Variants in TMEM38B observed in about 807,000 individuals in gnomAD.
The protein encoded by TMEM38B is trimeric intracellular cation channel type B.
In TMEM38B, 24 loss-of-function variants were observed where a neutral mutation model predicts 28.7. That is an observed-to-expected ratio of 0.84 (90% CI 0.61 to 1.18). The LOEUF (loss-of-function observed/expected upper bound fraction) is 1.18, where lower values mean the gene tolerates loss of function less well. TMEM38B is among the 50% of genes most tolerant of loss of function. The probability of loss-of-function intolerance (pLI) is 0.00; values close to 1 mark genes in which losing one functional copy is unlikely to be tolerated. For missense variants in TMEM38B, 380 were observed against 350.9 expected, an observed-to-expected ratio of 1.08 and a Z score of -0.66; for synonymous variants, 131 against 127.7, an observed-to-expected ratio of 1.03 and a Z score of -0.17.
At position 105,705,647 on chromosome 9, in the gene TMEM38B, A is replaced by G. The variant is rs140337245; in HGVS notation, c.163A>G (p.Met55Val). Residue 55 changes from methionine (M) to valine (V), a missense_variant, in exon 2 of 6, where the codon ATG (methionine) becomes GTG (valine). By Grantham distance (21) the Met-to-Val change is conservative. Coordinates refer to ENST00000374692, the MANE Select transcript of TMEM38B (RefSeq NM_018112.3). ...KNPISSWFTA[M>V]LHCFGGGILS... Reference sequence around the variant, plus strand: ...TCCTATTTCAAGCTGGTTTACTGCTATGCTCCACTGTTTTGGTGGAGGAAT... The same window carrying G: ...TCCTATTTCAAGCTGGTTTACTGCTGTGCTCCACTGTTTTGGTGGAGGAAT... 1.1e-4 allele frequency: 172 copies of G among 1,614,108 alleles called. No homozygotes were observed. Among genetic ancestry groups the G allele is most frequent in the Admixed American group, 1.5e-4 (9 of 60,018 alleles).
intron 2 of TMEM38B, among the ~76,000 whole-genome samples, chr9:105,707,167 C>G (rs1038054095): frequency 6.6e-6 from 1 of 152,178 alleles, no homozygotes; most frequent in Non-Finnish European, 1.5e-5. Flanking sequence ...CTAACTGATA[C>G]ACGCAGATAT....
In TMEM38B at chr9:105,697,906, G is replaced by A. The variant is rs183287881; in HGVS notation, c.112+3134G>A. On this transcript the variant is annotated intron_variant, in intron 1 of 5. Transcript: ENST00000374692. ...ATTCTATAGTTCTATAAAAGTATAG[G>A]TTCGTAATCTATCTGCAGTATTTTT... 1.2e-3 allele frequency among the ~76,000 whole-genome samples: 185 copies of A among 152,084 alleles called. 1 individual carries two copies. Among genetic ancestry groups the A allele is most frequent in the African/African-American group, 4.2e-3 (173 of 41,490 alleles).
Position 105,773,862 on chromosome 9 carries a change from C to T in TMEM38B, c.661-3C>T, listed in dbSNP as rs770322217. The T allele has an allele frequency of 1.9e-6, 3 of 1,595,876 alleles. No individual in the cohort carries two copies. Among genetic ancestry groups the T allele is most frequent in the African/African-American group, 2.7e-5 (2 of 74,326 alleles). On this transcript the variant is annotated splice_polypyrimidine_tract_variant and splice_region_variant and intron_variant, in intron 5 of 5. Transcript: ENST00000374692. ...AATTCAAAATTAAACTTTTTTCCCC[C>T]AGATAACCATGATGACTACACAGAC...
chr9:105,731,160 G>T (rs1038988273), intron 4 of TMEM38B, among the ~76,000 whole-genome samples: 33 of 151,864 alleles, frequency 2.2e-4, no homozygotes, highest in Non-Finnish European at 4.3e-4. Context: ...TGATCTTAGG[G>T]TGTTGATTTT....
At chr9:105,771,946 A>G (rs1205175727) in intron 5 of TMEM38B, among the ~76,000 whole-genome samples, 1 of 152,242 alleles carries the variant, frequency 6.6e-6, no homozygotes, top group Non-Finnish European at 1.5e-5. Flanking sequence ...CAGGGATTAC[A>G]TTCAACATCT....
intron 4 of TMEM38B, among the ~76,000 whole-genome samples, chr9:105,724,662 GT>G (rs1488725387): frequency 1.3e-5 from 2 of 151,722 alleles, no homozygotes; most frequent in African/African-American, 4.8e-5. Flanking sequence ...GGCAGTACAA[GT>G]GATGAAGTAC....
intron 4 of TMEM38B, among the ~76,000 whole-genome samples, chr9:105,726,280 T>C (rs886545094): frequency 2.0e-5 from 3 of 152,170 alleles, no homozygotes; most frequent in African/African-American, 7.2e-5. Flanking sequence ...TTTTAAAAAC[T>C]TTTTGAAGCT....
intron 1 of TMEM38B, among the ~76,000 whole-genome samples, chr9:105,697,862 C>A (rs1202533707): frequency 6.6e-6 from 1 of 151,932 alleles, no homozygotes; most frequent in African/African-American, 2.4e-5. Flanking sequence ...AATACTCGTC[C>A]TTGATCTTTT....
chr9:105,704,289 T>A (rs181363687), intron 1 of TMEM38B, among the ~76,000 whole-genome samples: 2 of 151,998 alleles, frequency 1.3e-5, no homozygotes, highest in Non-Finnish European at 2.9e-5. Context: ...CCCAGCTACT[T>A]GGGAGGCTGA....
chr9:105,748,806 T>G (rs58943241), intron 5 of TMEM38B, among the ~76,000 whole-genome samples: 7,477 of 152,248 alleles, frequency 0.049, 518 homozygotes, highest in African/African-American at 0.15. Context: ...TCATGTATCT[T>G]ACGAATTTTG....
intron 4 of TMEM38B, among the ~76,000 whole-genome samples, chr9:105,736,160 G>T (rs1350214026): frequency 1.3e-5 from 2 of 151,914 alleles, no homozygotes; most frequent in African/African-American, 4.8e-5. Flanking sequence ...AGAGTGCTGG[G>T]ATTACATGTG....
At chr9:105,719,850 T>C (rs1252629167) in intron 2 of TMEM38B, among the ~76,000 whole-genome samples, 1 of 152,080 alleles carries the variant, frequency 6.6e-6, no homozygotes, top group Non-Finnish European at 1.5e-5. Flanking sequence ...TACTTTTGGG[T>C]GCTCATTACT....
chr9:105,752,604 TAAAAAC>T (rs1465750424), intron 5 of TMEM38B, among the ~76,000 whole-genome samples: 1 of 151,888 alleles, frequency 6.6e-6, no homozygotes, highest in Non-Finnish European at 1.5e-5. Flanking sequence ...GCCTGACTGT[TAAAAAC>T]AAACAGAAAA....
intron 1 of TMEM38B, among the ~76,000 whole-genome samples, chr9:105,696,558 C>T (rs1037369174): frequency 1.3e-5 from 2 of 152,162 alleles, no homozygotes; most frequent in Non-Finnish European, 2.9e-5. Flanking sequence ...AAAATGAAAA[C>T]ATGAAGAACA....
intron 1 of TMEM38B, among the ~76,000 whole-genome samples, chr9:105,700,531 A>T (rs1366358796): frequency 6.6e-6 from 1 of 152,202 alleles, no homozygotes; most frequent in Non-Finnish European, 1.5e-5. Flanking sequence ...AAAATTTCTT[A>T]CTATTCTGTG....
chr9:105,709,709 T>A (rs1564388529), intron 2 of TMEM38B, among the ~76,000 whole-genome samples: 1 of 151,894 alleles, frequency 6.6e-6, no homozygotes, highest in African/African-American at 2.4e-5. Context: ...GGAAGGAGAG[T>A]AGTTAAGGAA....
intron 2 of TMEM38B, among the ~76,000 whole-genome samples, chr9:105,712,252 A>G (rs578182360): frequency 6.6e-6 from 1 of 152,180 alleles, no homozygotes; most frequent in Non-Finnish European, 1.5e-5. Flanking sequence ...ATAACATACC[A>G]GTATCCTGAC....
At chr9:105,754,086 T>TG (rs1416271590) in intron 5 of TMEM38B, among the ~76,000 whole-genome samples, 2 of 151,924 alleles carry the variant, frequency 1.3e-5, no homozygotes, top group Admixed American at 1.3e-4. Context: ...TGCATAATGG[T>TG]AAAGGATTCT....
chr9:105,770,688 G>A (rs12342953), intron 5 of TMEM38B, among the ~76,000 whole-genome samples: 32,191 of 151,994 alleles, frequency 0.21, 5,311 homozygotes, highest in East Asian at 0.47. Context: ...GCCATGTGCC[G>A]TTAGGGATTC....
Sources: allele counts gnomAD v4.1 joint callset (sites outside exome capture counted in the v4.1 genomes callset), GRCh38; gene constraint gnomAD v4.1.1; transcripts MANE v1.5; gene names NCBI Gene and HGNC (gene_info 2026-07-23, HGNC 2026-07-21).